Variants in FAHD1 observed in about 807,000 individuals in gnomAD.
The protein encoded by FAHD1 is FAH domain containing oxaloacetate decarboxylase 1.
Under a neutral mutation model 12.7 loss-of-function variants are expected in FAHD1, and 14 were observed. That is an observed-to-expected ratio of 1.10 (90% CI 0.73 to 1.72). The LOEUF (loss-of-function observed/expected upper bound fraction) is 1.72, where lower values mean the gene tolerates loss of function less well. Among genes scored for constraint, FAHD1 ranks in the 40% most tolerant of loss-of-function variants. The pLI is 0.00. For synonymous variants in FAHD1, 153 were observed against 124.9 expected (o/e 1.22, Z -1.50); for missense variants, 351 against 298.9 (o/e 1.17, Z -1.29).
At chr16:1,837,926 T>A in intron 1 of FAHD1, 1 of 1,457,934 alleles carries the variant, frequency 6.9e-7, no homozygotes, top group Non-Finnish European at 9.1e-7. Context: ...AGAAAATTCA[T>A]TTTTGACAAC....
intron 1 of FAHD1, chr16:1,837,886 A>G (rs900568344): frequency 8.8e-6 from 13 of 1,469,478 alleles, no homozygotes; most frequent in Non-Finnish European, 1.2e-5. Context: ...TAAAAAAAAA[A>G]TATGAGACAA....
At chr16:1,828,787 A>C in exon 1 of FAHD1, 1 of 996,436 alleles carries the variant, frequency 1.0e-6, no homozygotes, top group Non-Finnish European at 1.2e-6. Context: ...AATTTTACTT[A>C]ATAAGTGAAC....
downstream of FAHD1, among the ~76,000 whole-genome samples, chr16:1,831,838 C>T (rs1898625631): frequency 2.6e-5 from 4 of 152,138 alleles, no homozygotes; most frequent in Admixed American, 2.6e-4. Context: ...AGGTTGCGCA[C>T]TCCTTATGAG....
At chr16:1,829,184 C>A (rs1054334032), downstream of FAHD1, among the ~76,000 whole-genome samples, 2 of 152,188 alleles carry the variant, frequency 1.3e-5, no homozygotes, top group African/African-American at 4.8e-5. Flanking sequence ...CTGGAGGAGT[C>A]CTTTGGGCTT....
chr16:1,837,833 G>A (rs1482307073), intron 1 of FAHD1: 5 of 1,538,928 alleles, frequency 3.2e-6, no homozygotes, highest in Non-Finnish European at 4.4e-6. Context: ...CTTTAATGCT[G>A]TTTTCTGTTC....
chr16:1,829,744 T>C (rs1898589345), downstream of FAHD1, among the ~76,000 whole-genome samples: 1 of 152,178 alleles, frequency 6.6e-6, no homozygotes, highest in South Asian at 2.1e-4. Flanking sequence ...ACCAAAAATT[T>C]CATCTACCCA....
chr16:1,831,610 C>T (rs35310267), downstream of FAHD1, among the ~76,000 whole-genome samples: 27,011 of 152,070 alleles, frequency 0.18, 2,558 homozygotes, highest in South Asian at 0.27. Context: ...CTATTAGAAA[C>T]AATGATGCAA....
At chr16:1,834,047 CAA>C (rs1266347374) in intron 1 of FAHD1, 7 of 435,336 alleles carry the variant, frequency 1.6e-5, no homozygotes, top group Non-Finnish European at 2.4e-5. Context: ...GGAGACAAGG[CAA>C]AGACAGTAGG....
intron 1 of FAHD1, among the ~76,000 whole-genome samples, chr16:1,837,369 C>T (rs1044861288): frequency 1.3e-5 from 2 of 152,032 alleles, no homozygotes; most frequent in African/African-American, 2.4e-5. Flanking sequence ...CCTAGTCTGA[C>T]CTTTTGGGGT....
intron 1 of FAHD1, chr16:1,837,967 A>T (rs1369418167): frequency 6.9e-7 from 1 of 1,447,976 alleles, no homozygotes; most frequent in African/African-American, 1.4e-5. Flanking sequence ...ATTAGAAATG[A>T]AATTTTATTT....
At chr16:1,835,090 A>G (rs1035536426) in intron 1 of FAHD1, among the ~76,000 whole-genome samples, 1 of 152,082 alleles carries the variant, frequency 6.6e-6, no homozygotes, top group Non-Finnish European at 1.5e-5. Flanking sequence ...CCCTGTCTCT[A>G]CTAAAAATAT....
exon 3 of FAHD1, chr16:1,839,663 TGCCCTCCTTCCCTCCCTCTGCCAA>T (rs1225655526): frequency 2.2e-6 from 1 of 460,054 alleles, no homozygotes; most frequent in Non-Finnish European, 3.9e-6. Flanking sequence ...GTCCTCTGCC[TGCCCTCCTTCCCTCCCTCTGCCAA>T]GCCCTCGAGG....
At chr16:1,839,669 C>T (rs1898848616) in exon 3 of FAHD1, 1 of 448,020 alleles carries the variant, frequency 2.2e-6, no homozygotes, top group Non-Finnish European at 4.0e-6. Flanking sequence ...TGCCTGCCCT[C>T]CTTCCCTCCC....
chr16:1,836,056 C>T (rs977259217), intron 1 of FAHD1, among the ~76,000 whole-genome samples: 1 of 152,064 alleles, frequency 6.6e-6, no homozygotes, highest in African/African-American at 2.4e-5. Flanking sequence ...GATGGGGTTT[C>T]ACCATCTTGG....
chr16:1,833,519 A>G (rs1898661188), downstream of FAHD1, among the ~76,000 whole-genome samples: 1 of 146,360 alleles, frequency 6.8e-6, no homozygotes, highest in Non-Finnish European at 1.5e-5. Context: ...ATGACGAGTC[A>G]CCACCCAGCT....
At chr16:1,830,025 G>A (rs967084739), downstream of FAHD1, among the ~76,000 whole-genome samples, 10 of 152,030 alleles carry the variant, frequency 6.6e-5, no homozygotes, top group African/African-American at 1.9e-4. Flanking sequence ...CACCACACCC[G>A]GCTAATTTTG....
chr16:1,831,312 T>C (rs1898616918), downstream of FAHD1, among the ~76,000 whole-genome samples: 1 of 152,146 alleles, frequency 6.6e-6, no homozygotes, highest in Admixed American at 6.5e-5. Flanking sequence ...CGTGATTTGC[T>C]GAAGGAGTGC....
intron 1 of FAHD1, among the ~76,000 whole-genome samples, chr16:1,836,780 C>G (rs766254078): frequency 6.1e-5 from 9 of 147,236 alleles, no homozygotes; most frequent in Non-Finnish European, 1.1e-4. Context: ...ATTCTCTCAT[C>G]AGCACGCAAT....
downstream of FAHD1, among the ~76,000 whole-genome samples, chr16:1,833,657 G>T (rs1285520991): frequency 6.7e-6 from 1 of 149,444 alleles, no homozygotes; most frequent in Non-Finnish European, 1.5e-5. Flanking sequence ...CTCATCCCAG[G>T]TTCAAGAGAT....
Sources: allele counts gnomAD v4.1 joint callset (sites outside exome capture counted in the v4.1 genomes callset), GRCh38; gene constraint gnomAD v4.1.1; transcripts MANE v1.5; gene names NCBI Gene and HGNC (gene_info 2026-07-23, HGNC 2026-07-21).